TXNRD1: variants seen among roughly 807,000 people sequenced by gnomAD.
The protein encoded by TXNRD1 is thioredoxin reductase 1.
In TXNRD1, 57 loss-of-function variants were observed where a neutral mutation model predicts 80.3. The ratio of observed to expected loss-of-function variants is 0.71; its 90% CI spans 0.57 to 0.89. The LOEUF is 0.89. Ranked by LOEUF, TXNRD1 falls within the 40% of genes least tolerant of loss-of-function variation. TXNRD1 has a pLI of 0.00. For missense variants in TXNRD1, 730 were observed against 803.0 expected (o/e 0.91, Z 1.10); for synonymous variants, 291 against 285.2 (o/e 1.02, Z -0.20).
chr12:104,293,515 A>G (rs1239664216), intron 4 of TXNRD1, among the ~76,000 whole-genome samples: 2 of 152,120 alleles, frequency 1.3e-5, no homozygotes, highest in Admixed American at 1.3e-4. Context: ...CAGTGGCTTG[A>G]TATTGGCTCA....
intron 3 of TXNRD1, among the ~76,000 whole-genome samples, chr12:104,272,065 G>T (rs538622022): frequency 6.6e-6 from 1 of 152,296 alleles, no homozygotes; most frequent in African/African-American, 2.4e-5. Context: ...TACTCTGGAG[G>T]CTGATGTTAT....
chr12:104,232,931 A>G (rs1380746097), intron 1 of TXNRD1, among the ~76,000 whole-genome samples: 1 of 152,226 alleles, frequency 6.6e-6, no homozygotes, highest in East Asian at 1.9e-4. Context: ...CTGGAGCTGG[A>G]CCGCACAATC....
intron 1 of TXNRD1, among the ~76,000 whole-genome samples, chr12:104,218,980 G>C (rs2032285222): frequency 6.6e-6 from 1 of 152,172 alleles, no homozygotes; most frequent in Non-Finnish European, 1.5e-5. Context: ...GTCTCACTCT[G>C]TTGCCTAGAT....
At chr12:104,332,749 C>CAAAAA (rs34106883) in intron 14 of TXNRD1, among the ~76,000 whole-genome samples, 167 of 76,446 alleles carry the variant, frequency 2.2e-3, no homozygotes, top group East Asian at 3.5e-3. Flanking sequence ...AACTCCGTCT[C>CAAAAA]AAAAAAAAAA....
At position 104,288,952 on chromosome 12, in the gene TXNRD1, G is replaced by T. The variant is rs1168492778; in HGVS notation, c.326G>T (p.Gly109Val). ...ACAGAGGACGGTCGGGCCCTGGAAG[G>T]AACGCTCTCGGAATTGGCCGCGGAA... The part of the protein sequence containing the change: ...DQTEDGRALE[G>V]TLSELAAETD... Residue 109 changes from glycine (G) to valine (V), a missense_variant, in exon 4 of 17, where the codon GGA (glycine) becomes GTA (valine). Transcript: ENST00000525566. 1.9e-6 allele frequency: 3 copies of T among 1,613,936 alleles called. No individual in the cohort carries two copies. The South Asian group carries it at 3.3e-5, about 18-fold the overall frequency.
chr12:104,339,310 A>T, intron 16 of TXNRD1, 37 bp downstream of exon 16: 2 of 1,612,838 alleles, frequency 1.2e-6, no homozygotes, highest in Non-Finnish European at 8.5e-7. Context: ...AAAATGTTTA[A>T]AATGTGCCAC....
At chr12:104,271,530 T>A (rs1034047815) in intron 3 of TXNRD1, among the ~76,000 whole-genome samples, 3 of 152,100 alleles carry the variant, frequency 2.0e-5, no homozygotes, top group African/African-American at 7.2e-5. Context: ...TTAGGAGCAA[T>A]GTTTTGTGGG....
chr12:104,293,409 C>T (rs552744283), intron 4 of TXNRD1, among the ~76,000 whole-genome samples: 12 of 152,200 alleles, frequency 7.9e-5, no homozygotes, highest in Middle Eastern at 3.4e-3. Context: ...CAGACAGTTG[C>T]GGTGGCCCCA....
At chr12:104,308,695 A>C (rs1388548753) in intron 4 of TXNRD1, among the ~76,000 whole-genome samples, 1 of 152,106 alleles carries the variant, frequency 6.6e-6, no homozygotes, top group East Asian at 1.9e-4. Context: ...GTCAGCGGAC[A>C]TAATTTCAAG....
rs190961864 is a variant in TXNRD1, at chr12:104,267,911, G to A, written c.304+9832G>A. On this transcript the variant is annotated intron_variant, in intron 3 of 16. Transcript: ENST00000525566. Reference sequence around the variant, plus strand: ...GTTGCCCTGGCTGGAGTGCAATGGCGTAATCTGGGCTCACTGCAACCTCCA... The same window carrying A: ...GTTGCCCTGGCTGGAGTGCAATGGCATAATCTGGGCTCACTGCAACCTCCA... Among the ~76,000 whole-genome samples, 21 of 147,846 alleles carry A rather than the reference G, an allele frequency of 1.4e-4. No homozygotes were observed. In the East Asian group the frequency reaches 2.8e-3, roughly 20 times the overall value.
At chr12:104,249,732 A>C (rs11616143) in intron 1 of TXNRD1, among the ~76,000 whole-genome samples, 1 of 151,956 alleles carries the variant, frequency 6.6e-6, no homozygotes, top group Non-Finnish European at 1.5e-5. Context: ...TCAGGAGATC[A>C]AGACCATCCT....
chr12:104,278,864 TG>T (rs2033819837), intron 3 of TXNRD1, among the ~76,000 whole-genome samples: 1 of 152,190 alleles, frequency 6.6e-6, no homozygotes, highest in African/African-American at 2.4e-5. Context: ...ACATTTACCT[TG>T]TAAAAGCTTT....
At chr12:104,346,661 AT>A (rs909146752) in intron 16 of TXNRD1, among the ~76,000 whole-genome samples, 11 of 152,008 alleles carry the variant, frequency 7.2e-5, no homozygotes, top group South Asian at 2.1e-4. Flanking sequence ...GTACTCCTAC[AT>A]TTTTTTTAAA....
intron 3 of TXNRD1, among the ~76,000 whole-genome samples, chr12:104,271,218 C>T (rs1019511463): frequency 3.5e-5 from 5 of 144,424 alleles, no homozygotes; most frequent in Admixed American, 2.9e-4. Context: ...CGGAGTCTCG[C>T]TCTGTCGCCC....
At chr12:104,273,180 G>T (rs999202811) in intron 3 of TXNRD1, among the ~76,000 whole-genome samples, 1 of 152,196 alleles carries the variant, frequency 6.6e-6, no homozygotes, top group Non-Finnish European at 1.5e-5. Context: ...ACTACAATGG[G>T]CTTATTCAAC....
Position 104,265,348 on chromosome 12 carries a change from G to T in TXNRD1, c.304+7269G>T, listed in dbSNP as rs537951862. On this transcript the variant is annotated intron_variant, in intron 3 of 16. Coordinates refer to ENST00000525566, the MANE Select transcript of TXNRD1 (RefSeq NM_001093771.3). Reference sequence around the variant, plus strand: ...CACGCTACGAGAGTACAAGGTAGTGGGTCGCTGCCTGCCCACCCCCAAATG... The same window carrying T: ...CACGCTACGAGAGTACAAGGTAGTGTGTCGCTGCCTGCCCACCCCCAAATG... 7 of 1,609,240 alleles carry T rather than the reference G, an allele frequency of 4.3e-6. No individual in the cohort carries two copies. In the East Asian group the frequency reaches 1.3e-4, roughly 31 times the overall value.
At chr12:104,316,491 A>G (rs981267751) in intron 7 of TXNRD1, among the ~76,000 whole-genome samples, 1 of 152,034 alleles carries the variant, frequency 6.6e-6, no homozygotes, top group Non-Finnish European at 1.5e-5. Flanking sequence ...CCGGGTTCAC[A>G]CCATTCTCCT....
chr12:104,219,030 A>G (rs1049305652), intron 1 of TXNRD1, among the ~76,000 whole-genome samples: 4 of 152,216 alleles, frequency 2.6e-5, no homozygotes, highest in Non-Finnish European at 4.4e-5. Context: ...CTGAAACTGA[A>G]CTGCTGGGCT....
chr12:104,224,367 G>C (rs556726751), intron 1 of TXNRD1, among the ~76,000 whole-genome samples: 3 of 151,782 alleles, frequency 2.0e-5, no homozygotes, highest in African/African-American at 7.3e-5. Flanking sequence ...TGGGCTCCTG[G>C]GGGTAAGGAT....
Sources: gnomAD v4.1 joint callset for allele counts (sites outside exome capture counted in the v4.1 genomes callset) on GRCh38, gnomAD v4.1.1 for gene constraint, MANE v1.5 for transcripts, NCBI Gene and HGNC (gene_info 2026-07-23, HGNC 2026-07-21) for gene names.